DOCK10: variants seen among roughly 807,000 people sequenced by gnomAD.
DOCK10 encodes dedicator of cytokinesis 10.
Under a neutral mutation model 280.1 loss-of-function variants are expected in DOCK10, and 145 were observed. That is an observed-to-expected ratio of 0.52 (90% CI 0.45 to 0.59). The LOEUF (loss-of-function observed/expected upper bound fraction) is 0.59. Among genes scored for constraint, DOCK10 ranks in the 20% least tolerant of loss-of-function variants. The pLI is 0.00. For missense variants in DOCK10, 2,368 were observed against 2,651.7 expected (o/e 0.89, Z 2.35); for synonymous variants, 915 against 942.2 (o/e 0.97, Z 0.53).
intron 1 of DOCK10, among the ~76,000 whole-genome samples, chr2:224,961,043 CA>C (rs924819072): frequency 3.3e-5 from 5 of 152,090 alleles, no homozygotes; most frequent in Non-Finnish European, 7.4e-5. Flanking sequence ...CGGCCCCCAT[CA>C]CCAAATTCTA....
rs552679928 is a variant in DOCK10, at chr2:224,778,049, G to A, written c.5802+89C>T. ...TCGTTTTTGTAGTTTACTTTGCATC[G>A]TCAGGCAGAAAATGAAAACTTAATG... On this transcript the variant is annotated intron_variant, in intron 51 of 55. Coordinates refer to ENST00000258390, the MANE Select transcript of DOCK10 (RefSeq NM_014689.3). The A allele has an allele frequency of 5.0e-5, 67 of 1,338,154 alleles. No homozygotes were observed. The East Asian group carries it at 6.0e-4, about 12-fold the overall frequency. The allele number at this position is 1,338,154 out of a possible 1,614,324, so 82.9% of individuals were successfully genotyped here. A position where few individuals can be genotyped will look rare whatever the true frequency, so the allele number is the denominator to read the frequency against.
intron 14 of DOCK10, chr2:224,861,528 C>T (rs1206152919): frequency 6.6e-6 from 1 of 152,254 alleles, no homozygotes; most frequent in African/African-American, 2.4e-5. Flanking sequence ...CAAACTTCCA[C>T]ATTTCTCCTT....
At chr2:224,886,339 C>A in intron 5 of DOCK10, 120 bp downstream of exon 5, 1 of 1,451,278 alleles carries the variant, frequency 6.9e-7, no homozygotes, top group Non-Finnish European at 9.5e-7. Flanking sequence ...TGACTAAAAG[C>A]CCTACCACCA....
chr2:224,768,789 T>C, intron 55 of DOCK10: 2 of 413,662 alleles, frequency 4.8e-6, no homozygotes, highest in Non-Finnish European at 9.5e-6. Context: ...GGGAGGTGAC[T>C]AGAGAGACTG....
intron 26 of DOCK10, among the ~76,000 whole-genome samples, chr2:224,831,458 T>G (rs1379528969): frequency 6.6e-6 from 1 of 152,252 alleles, no homozygotes; most frequent in East Asian, 1.9e-4. Flanking sequence ...GGGCCTGGCC[T>G]GCCCCTTTTC....
intron 1 of DOCK10, among the ~76,000 whole-genome samples, chr2:224,950,154 C>T (rs1290866644): frequency 1.3e-5 from 2 of 152,176 alleles, no homozygotes; most frequent in Non-Finnish European, 2.9e-5. Flanking sequence ...GGCTGGATTG[C>T]AGATAATTTG....
intron 50 of DOCK10, among the ~76,000 whole-genome samples, chr2:224,785,121 T>C (rs1691644165): frequency 6.6e-6 from 1 of 152,110 alleles, no homozygotes; most frequent in Admixed American, 6.5e-5. Context: ...GTCTCACCAA[T>C]GTCACAAATT....
At chr2:224,775,768 C>A (rs1461990627) in intron 51 of DOCK10, among the ~76,000 whole-genome samples, 3 of 152,226 alleles carry the variant, frequency 2.0e-5, no homozygotes, top group East Asian at 3.8e-4. Flanking sequence ...GGCCACTGCA[C>A]CCAGCCCTAG....
chr2:224,774,469 C>A (rs2124984181), intron 52 of DOCK10, among the ~76,000 whole-genome samples: 1 of 152,322 alleles, frequency 6.6e-6, no homozygotes, highest in East Asian at 1.9e-4. Context: ...CTAGAGAGCA[C>A]ATCGAGGGAT....
At chr2:224,986,937 G>A (rs866036826) in intron 1 of DOCK10, among the ~76,000 whole-genome samples, 1 of 152,086 alleles carries the variant, frequency 6.6e-6, no homozygotes, top group Non-Finnish European at 1.5e-5. Context: ...ATTCCCCCAG[G>A]TTGAATTAAC....
intron 1 of DOCK10, among the ~76,000 whole-genome samples, chr2:224,935,716 A>G (rs917969758): frequency 3.3e-5 from 5 of 152,202 alleles, no homozygotes; most frequent in African/African-American, 9.6e-5. Context: ...GTGTTAATAG[A>G]TAAAGCCTAT....
chr2:224,768,325 T>C (rs971748280), intron 55 of DOCK10, among the ~76,000 whole-genome samples: 3 of 152,234 alleles, frequency 2.0e-5, no homozygotes, highest in Non-Finnish European at 4.4e-5. Context: ...GGTATTCCTA[T>C]AGATGGAGAC....
chr2:224,833,618 T>A (rs1695395644), intron 26 of DOCK10, among the ~76,000 whole-genome samples: 1 of 152,032 alleles, frequency 6.6e-6, no homozygotes, highest in Admixed American at 6.6e-5. Context: ...ATTTTTCTAA[T>A]GCATCTTCTT....
At chr2:224,981,735 G>C (rs939423386) in intron 1 of DOCK10, among the ~76,000 whole-genome samples, 1 of 152,178 alleles carries the variant, frequency 6.6e-6, no homozygotes, top group East Asian at 1.9e-4. Flanking sequence ...TTCTGGAAAG[G>C]CATTTCCTTT....
chr2:224,796,559 G>T (rs887920331), intron 43 of DOCK10, 133 bp from the exon 44 acceptor site: 12 of 599,636 alleles, frequency 2.0e-5, no homozygotes, highest in Middle Eastern at 3.1e-4. Flanking sequence ...ATGTATTAAA[G>T]CTCCAGAACG....
chr2:224,783,694 G>T (rs1349277760), intron 50 of DOCK10, among the ~76,000 whole-genome samples: 1 of 151,870 alleles, frequency 6.6e-6, no homozygotes, highest in South Asian at 2.1e-4. Context: ...ATTTGCAAGG[G>T]CTCCCCCCAA....
chr2:224,889,814 A>G (rs1699552571), intron 4 of DOCK10, among the ~76,000 whole-genome samples: 1 of 152,166 alleles, frequency 6.6e-6, no homozygotes, highest in Non-Finnish European at 1.5e-5. Context: ...TTTTAATTTG[A>G]TTGGCAAAAA....
intron 23 of DOCK10, 64 bp from the exon 24 acceptor site, chr2:224,840,136 C>T: frequency 1.4e-6 from 1 of 713,556 alleles, no homozygotes; most frequent in Non-Finnish European, 2.3e-6. Flanking sequence ...ACATTCAAGA[C>T]CTGAAACTAT....
At chr2:224,871,687 C>G (rs115088327) in intron 11 of DOCK10, among the ~76,000 whole-genome samples, 1 of 152,090 alleles carries the variant, frequency 6.6e-6, no homozygotes, top group Non-Finnish European at 1.5e-5. Context: ...ATTTGTACTT[C>G]TCTTTCTTCT....
Sources: allele counts gnomAD v4.1 joint callset (sites outside exome capture counted in the v4.1 genomes callset), GRCh38; gene constraint gnomAD v4.1.1; transcripts MANE v1.5; gene names NCBI Gene and HGNC (gene_info 2026-07-23, HGNC 2026-07-21).